PLEKHM3: variants seen among roughly 807,000 people sequenced by gnomAD.
The protein encoded by PLEKHM3 is pleckstrin homology domain containing M3.
A neutral mutation model predicts 81.8 loss-of-function variants in PLEKHM3; 45 were observed. The ratio of observed to expected loss-of-function variants is 0.55; its 90% CI spans 0.43 to 0.71. PLEKHM3 has a LOEUF of 0.71. PLEKHM3 is among the 30% of genes least tolerant of loss of function. PLEKHM3 has a pLI of 0.00. For missense variants in PLEKHM3, 788 were observed against 924.3 expected, an observed-to-expected ratio of 0.85 and a Z score of 1.91; for synonymous variants, 352 against 356.4, an observed-to-expected ratio of 0.99 and a Z score of 0.14.
At position 207,977,669 on chromosome 2, in the gene PLEKHM3, A is replaced by G. The variant is rs572763991; in HGVS notation, c.611-83T>C. 2.4e-6 allele frequency: 3 copies of G among 1,227,742 alleles called. No individual in the cohort carries two copies. In the East Asian group the frequency reaches 7.0e-5, roughly 29 times the overall value. The allele number at this position is 1,227,742 out of a possible 1,614,324, so 76.1% of individuals were successfully genotyped here. Reference sequence around the variant, plus strand: ...CAAGAAACCACACAGATCAGGGCACAAGAAACCACACAGATCAGGGACTGA... The same window carrying G: ...CAAGAAACCACACAGATCAGGGCACGAGAAACCACACAGATCAGGGACTGA... On this transcript the variant is annotated intron_variant, in intron 2 of 7. Transcript: ENST00000427836.
intron 4 of PLEKHM3, 64 bp downstream of exon 4, chr2:207,946,303 T>A (rs1690126865): frequency 6.5e-7 from 1 of 1,532,954 alleles, no homozygotes; most frequent in African/African-American, 1.4e-5. Context: ...ATCTTTATAA[T>A]CCACCTGAGA....
chr2:207,917,296 A>G (rs1248592074), intron 5 of PLEKHM3, among the ~76,000 whole-genome samples: 3 of 152,276 alleles, frequency 2.0e-5, no homozygotes, highest in African/African-American at 7.2e-5. Flanking sequence ...TAAATATTAC[A>G]GAGAACATAA....
At chr2:207,922,507 G>C (rs1168173424) in intron 5 of PLEKHM3, among the ~76,000 whole-genome samples, 1 of 152,128 alleles carries the variant, frequency 6.6e-6, no homozygotes, top group Non-Finnish European at 1.5e-5. Flanking sequence ...ATATACATAA[G>C]GAGATGAAAA....
intron 6 of PLEKHM3, among the ~76,000 whole-genome samples, chr2:207,872,568 T>A (rs1222406701): frequency 6.6e-6 from 1 of 152,192 alleles, no homozygotes; most frequent in Non-Finnish European, 1.5e-5. Context: ...CCGGGCGCAG[T>A]GGCTCATGCC....
At chr2:207,974,611 T>C (rs1691239368) in intron 3 of PLEKHM3, among the ~76,000 whole-genome samples, 1 of 152,220 alleles carries the variant, frequency 6.6e-6, no homozygotes. Context: ...TGTACCATAA[T>C]TCCAGGATGT....
At chr2:207,877,021 T>A (rs1325860350) in intron 6 of PLEKHM3, among the ~76,000 whole-genome samples, 1 of 152,210 alleles carries the variant, frequency 6.6e-6, no homozygotes, top group African/African-American at 2.4e-5. Flanking sequence ...GAAGATTTTT[T>A]ACCACTTAGT....
At chr2:207,833,124 A>G (rs2092297880) in intron 7 of PLEKHM3, among the ~76,000 whole-genome samples, 1 of 151,996 alleles carries the variant, frequency 6.6e-6, no homozygotes. Context: ...AAAAAAAAAA[A>G]AAAAAAAAAG....
chr2:207,883,595 G>T (rs1056559055), intron 6 of PLEKHM3, among the ~76,000 whole-genome samples: 2 of 152,158 alleles, frequency 1.3e-5, no homozygotes, highest in Non-Finnish European at 2.9e-5. Flanking sequence ...CATGTGTAAG[G>T]TGTAGCGTGC....
At position 207,930,920 on chromosome 2, in the gene PLEKHM3, T is replaced by C. The variant is rs1219183715; in HGVS notation, c.1886+6A>G. The stretch of plus-strand genomic sequence containing the variant: ...ACGGGAGCCGTCTGAGATTTATGAC[T>C]CTTACCTGCGGCGGAGATCCTCTGC... On this transcript the variant is annotated splice_donor_region_variant and intron_variant, in intron 5 of 7. Transcript: ENST00000427836. 1 of 1,612,174 alleles carries C rather than the reference T, an allele frequency of 6.2e-7. No homozygotes were observed. The highest frequency in any genetic ancestry group is 8.5e-7 in the Non-Finnish European group (1 of 1,178,746).
chr2:207,881,835 G>A (rs2092593301), intron 6 of PLEKHM3, among the ~76,000 whole-genome samples: 2 of 152,048 alleles, frequency 1.3e-5, no homozygotes, highest in Admixed American at 1.3e-4. Context: ...GTGAGGGAGG[G>A]AAGCCCTTGC....
At position 207,977,285 on chromosome 2, in the gene PLEKHM3, C is replaced by T. The variant is rs934689033; in HGVS notation, c.912G>A (p.Trp304Ter). ...CGGGCACAGCAGCATGCACTACTTCCCAAAGCTTCTGTCCCCAGTCCAAAG... is the reference window on the plus strand; with the variant it reads ...CGGGCACAGCAGCATGCACTACTTCTCAAAGCTTCTGTCCCCAGTCCAAAG... ...WEALDWGQKLWEVVHAAVPGY... is the reference protein window; with the variant it reads ...WEALDWGQKL Residue 304 changes from tryptophan to a stop codon, truncating the protein, a stop_gained, in exon 3 of 8, where the codon TGG becomes TGA. Coordinates refer to ENST00000427836, the MANE Select transcript of PLEKHM3 (RefSeq NM_001080475.3). LOFTEE classifies it high-confidence loss of function. The T allele has an allele frequency of 1.9e-6, 3 of 1,614,052 alleles. No homozygotes were observed. Among genetic ancestry groups the T allele is most frequent in the African/African-American group, 1.3e-5 (1 of 74,922 alleles).
chr2:207,828,365 AG>A lies in PLEKHM3; in HGVS notation c.2239del (p.Leu747Ter). 6.2e-7 allele frequency: 1 copy of A among 1,613,966 alleles called. No homozygotes were observed. Among genetic ancestry groups the A allele is most frequent in the Non-Finnish European group, 8.5e-7 (1 of 1,180,000 alleles). On this transcript the variant is annotated frameshift_variant, in exon 8 of 8. Coordinates refer to ENST00000427836, the MANE Select transcript of PLEKHM3 (RefSeq NM_001080475.3). LOFTEE classifies it high-confidence loss of function. ...FWQRLNMDES[L>X]EEACTMFELS... is the part of the protein sequence containing the mutation. ...CTCGAACATGGTGCAAGCCTCCTCT[AG>A]ACTCTCGTCCATGTTCAGTCTCTGC...
chr2:207,880,608 A>C (rs2092583437), intron 6 of PLEKHM3, among the ~76,000 whole-genome samples: 1 of 144,820 alleles, frequency 6.9e-6, no homozygotes, highest in Non-Finnish European at 1.5e-5. Flanking sequence ...CTAAAAATAC[A>C]AAAAATTAGC....
intron 5 of PLEKHM3, among the ~76,000 whole-genome samples, chr2:207,922,236 T>C (rs1406839410): frequency 6.6e-6 from 1 of 152,220 alleles, no homozygotes; most frequent in Non-Finnish European, 1.5e-5. Flanking sequence ...TGATGTTTAG[T>C]GATGCTTTCT....
At chr2:207,863,894 T>C (rs2092481466) in intron 6 of PLEKHM3, among the ~76,000 whole-genome samples, 1 of 149,032 alleles carries the variant, frequency 6.7e-6, no homozygotes, top group African/African-American at 2.5e-5. Flanking sequence ...GGGAGGGCAA[T>C]AAGTCAGAAA....
chr2:207,867,262 GCTT>G (rs760736847), intron 6 of PLEKHM3, among the ~76,000 whole-genome samples: 1 of 152,132 alleles, frequency 6.6e-6, no homozygotes, highest in Non-Finnish European at 1.5e-5. Flanking sequence ...GGATCCTTTT[GCTT>G]CTTTATACTT....
intron 4 of PLEKHM3, among the ~76,000 whole-genome samples, chr2:207,936,415 A>G (rs1000172492): frequency 1.3e-5 from 2 of 152,238 alleles, no homozygotes. Flanking sequence ...TGAATAATTT[A>G]CAATGCTCTG....
At chr2:208,024,059 C>T (rs1693220782) in intron 1 of PLEKHM3, among the ~76,000 whole-genome samples, 1 of 151,630 alleles carries the variant, frequency 6.6e-6, no homozygotes, top group Non-Finnish European at 1.5e-5. Flanking sequence ...GGAAGGATCG[C>T]TTGAGTCCAG....
At chr2:207,850,936 C>A (rs1013598392) in intron 7 of PLEKHM3, among the ~76,000 whole-genome samples, 1 of 151,746 alleles carries the variant, frequency 6.6e-6, no homozygotes, top group South Asian at 2.1e-4. Flanking sequence ...GGGTGGACCA[C>A]GAGGTCACAA....
Sources: gnomAD v4.1 joint callset for allele counts (sites outside exome capture counted in the v4.1 genomes callset) on GRCh38, gnomAD v4.1.1 for gene constraint, MANE v1.5 for transcripts, NCBI Gene and HGNC (gene_info 2026-07-23, HGNC 2026-07-21) for gene names.